Variants in RBBP4 observed in about 807,000 individuals in gnomAD.
The protein encoded by RBBP4 is histone-binding protein RBBP4.
RBBP4 carries 3 observed loss-of-function variants against 57.2 expected under a neutral mutation model. The observed-to-expected ratio is 0.05, with a 90% CI of 0.02 to 0.14. The LOEUF (loss-of-function observed/expected upper bound fraction) is 0.14. RBBP4 is among the 10% of genes least tolerant of loss of function. RBBP4 has a pLI of 1.00. For missense variants in RBBP4, 107 were observed against 520.6 expected, an observed-to-expected ratio of 0.21 and a Z score of 7.73; for synonymous variants, 151 against 171.5, an observed-to-expected ratio of 0.88 and a Z score of 0.93.
chr1:32,661,665 G>T (rs1326283040), intron 3 of RBBP4, among the ~76,000 whole-genome samples: 1 of 151,796 alleles, frequency 6.6e-6, no homozygotes, highest in Non-Finnish European at 1.5e-5. Flanking sequence ...ATTCCCACCA[G>T]CAGTGTCTAA....
intron 3 of RBBP4, among the ~76,000 whole-genome samples, chr1:32,661,539 C>T (rs1648409803): frequency 6.6e-6 from 1 of 151,956 alleles, no homozygotes; most frequent in South Asian, 2.1e-4. Flanking sequence ...GGTGATCCAC[C>T]TGCGTCAGCC....
intron 1 of RBBP4, chr1:32,651,527 G>A (rs1466458687): frequency 6.1e-6 from 8 of 1,314,610 alleles, no homozygotes; most frequent in Non-Finnish European, 6.9e-6. Flanking sequence ...CGAAGCCAGC[G>A]GTGGGGCCCC....
chr1:32,671,030 CTT>C (rs1410212113), intron 8 of RBBP4, among the ~76,000 whole-genome samples: 1 of 152,138 alleles, frequency 6.6e-6, no homozygotes, highest in Non-Finnish European at 1.5e-5. Flanking sequence ...CTAATGCCCT[CTT>C]TTTCTGTACC....
At chr1:32,657,620 G>C (rs1648199603) in intron 3 of RBBP4, 48 bp downstream of exon 3, 2 of 1,561,986 alleles carry the variant, frequency 1.3e-6, no homozygotes, top group Admixed American at 3.7e-5. Context: ...GGTCATATCT[G>C]TTATGTGCAC....
intron 11 of RBBP4, among the ~76,000 whole-genome samples, chr1:32,676,059 C>T (rs1309410420): frequency 6.6e-6 from 1 of 151,932 alleles, no homozygotes; most frequent in African/African-American, 2.4e-5. Flanking sequence ...CCTTTAGTCC[C>T]TGCTCTTTGG....
chr1:32,657,531 A>G lies in RBBP4; in HGVS notation c.269A>G (p.Asp90Gly). 6.2e-7 allele frequency: 1 copy of G among 1,614,192 alleles called. No homozygotes were observed. Among genetic ancestry groups the G allele is most frequent in the Non-Finnish European group, 8.5e-7 (1 of 1,180,030 alleles). The change falls in exon 3 of 12, where the codon GAT (aspartate) becomes GGT (glycine). Residue 90 changes from aspartate to glycine, a missense_variant. Around this residue, in one of 3 missense-constraint regions of RBBP4, gnomAD observed 92 missense variants for 408.5 expected, o/e 0.23. Transcript: ENST00000373493. ...VIASVQLPND[D>G]AQFDASHYDS... ...GCCAGTGTGCAGCTCCCTAATGATGATGCTCAGTTTGATGCGTCACACTAC... is the reference window on the plus strand; with the variant it reads ...GCCAGTGTGCAGCTCCCTAATGATGGTGCTCAGTTTGATGCGTCACACTAC...
intron 8 of RBBP4, among the ~76,000 whole-genome samples, chr1:32,670,696 C>G (rs567036059): frequency 2.0e-5 from 3 of 152,270 alleles, no homozygotes; most frequent in South Asian, 4.1e-4. Flanking sequence ...CCTCAGCCTC[C>G]CAAAGTGCTG....
In RBBP4 at chr1:32,685,486, G is replaced by T. The variant is rs767530604; in HGVS notation, c.*5781G>T. ...ATTTTGAAGAATACTAAGGAATCCA[G>T]TTGTTGGGGTACATGCTATTATTAG... is the stretch of plus-strand genomic sequence containing the variant. On this transcript the variant is annotated 3_prime_UTR_variant, in exon 12 of 12. Coordinates refer to ENST00000373493, the MANE Select transcript of RBBP4 (RefSeq NM_005610.3). 2.0e-5 allele frequency: 3 copies of T among 152,240 alleles called. No individual in the cohort carries two copies. The highest frequency in any genetic ancestry group is 7.2e-5 in the African/African-American group (3 of 41,460). 9.4% of individuals were successfully genotyped at this position (152,240 alleles called of 1,614,324 possible).
chr1:32,672,744 A>G, intron 10 of RBBP4, 45 bp downstream of exon 10: 3 of 1,607,162 alleles, frequency 1.9e-6, no homozygotes, highest in Non-Finnish European at 2.6e-6. Context: ...CTGTAATTTA[A>G]TGTCCTCTAT....
intron 3 of RBBP4, among the ~76,000 whole-genome samples, chr1:32,664,938 A>G (rs1239776809): frequency 2.6e-5 from 4 of 152,316 alleles, no homozygotes; most frequent in African/African-American, 9.6e-5. Flanking sequence ...CTAAAAAACA[A>G]TGTACATACC....
At chr1:32,654,536 C>T (rs1648049774) in intron 2 of RBBP4, among the ~76,000 whole-genome samples, 1 of 152,206 alleles carries the variant, frequency 6.6e-6, no homozygotes, top group Non-Finnish European at 1.5e-5. Context: ...CCCTACTTTT[C>T]AGAAACTTCC....
chr1:32,659,022 T>C (rs1648277308), intron 3 of RBBP4, among the ~76,000 whole-genome samples: 1 of 147,438 alleles, frequency 6.8e-6, no homozygotes, highest in Admixed American at 6.9e-5. Flanking sequence ...TATATAATTT[T>C]AGATAATATA....
intron 3 of RBBP4, chr1:32,662,150 C>T (rs1473254864): frequency 1.8e-5 from 5 of 276,870 alleles, no homozygotes; most frequent in South Asian, 2.9e-5. Flanking sequence ...TCCCAGAGTG[C>T]TGGGATTACA....
rs1649680358 is a variant in RBBP4 at position 32,684,483 on chromosome 1, T to C, written c.*4778T>C. 3 of 1,535,214 alleles carry C rather than the reference T, an allele frequency of 2.0e-6. No homozygotes were observed. Among genetic ancestry groups the C allele is most frequent in the Non-Finnish European group, 2.7e-6 (3 of 1,128,072 alleles). On this transcript the variant is annotated 3_prime_UTR_variant, in exon 12 of 12. Coordinates refer to ENST00000373493, the MANE Select transcript of RBBP4 (RefSeq NM_005610.3). The stretch of plus-strand genomic sequence containing the variant: ...CACTTTTTTGTTCATTGTTTAATCT[T>C]GATAGCAGTATTGAGGCTGGTATTT...
chr1:32,657,276 T>TA lies in RBBP4; in HGVS notation c.165-144dup, dbSNP rs1161126230. On this transcript the variant is annotated intron_variant, in intron 2 of 11. Coordinates refer to ENST00000373493, the MANE Select transcript of RBBP4 (RefSeq NM_005610.3). ...GGGCGAAAGAGTGAGACTCTATTTA[T>TA]AAAAAAAGAAAGAAAGAAAAGACCC... 3.5e-5 allele frequency: 26 copies of TA among 743,022 alleles called. No individual in the cohort carries two copies. In the East Asian group the frequency reaches 7.0e-4, roughly 20 times the overall value. The allele number at this position is 743,022 out of a possible 1,614,324, so 46.0% of individuals were successfully genotyped here.
intron 3 of RBBP4, among the ~76,000 whole-genome samples, chr1:32,663,816 T>C (rs1253051979): frequency 6.6e-6 from 1 of 152,096 alleles, no homozygotes. Context: ...GACCTCGTGA[T>C]CCGCCTGCCT....
At chr1:32,677,420 C>T (rs1258339629) in intron 11 of RBBP4, among the ~76,000 whole-genome samples, 1 of 151,632 alleles carries the variant, frequency 6.6e-6, no homozygotes, top group Admixed American at 6.6e-5. Flanking sequence ...CCCCTCCCCA[C>T]CTTGCCGTAT....
At chr1:32,660,958 C>T (rs769693781) in intron 3 of RBBP4, among the ~76,000 whole-genome samples, 3 of 152,066 alleles carry the variant, frequency 2.0e-5, no homozygotes, top group South Asian at 2.1e-4. Flanking sequence ...TGCAGGCATG[C>T]GCCACCATGC....
intron 11 of RBBP4, chr1:32,673,585 G>A (rs1648967985): frequency 6.4e-6 from 2 of 313,752 alleles, no homozygotes; most frequent in South Asian, 2.4e-5. Context: ...CTATAGGTGC[G>A]TACCACCATG....
Sources: gnomAD v4.1 joint callset for allele counts (sites outside exome capture counted in the v4.1 genomes callset) on GRCh38, gnomAD v4.1.1 for gene constraint, gnomAD v4.1.1 regional missense constraint, MANE v1.5 for transcripts, NCBI Gene and HGNC (gene_info 2026-07-23, HGNC 2026-07-21) for gene names.